Variants in PTGIS observed in about 807,000 individuals in gnomAD.
PTGIS encodes the protein prostaglandin I2 synthase, also known as prostacyclin synthase.
A neutral mutation model predicts 50.3 loss-of-function variants in PTGIS; 45 were observed. That is an observed-to-expected ratio of 0.90 (90% CI 0.70 to 1.15). The LOEUF is 1.15. PTGIS is among the 50% of genes most tolerant of loss of function. The probability of loss-of-function intolerance (pLI) is 0.00; values close to 1 mark genes in which losing one functional copy is unlikely to be tolerated. For missense variants in PTGIS, 668 were observed against 661.3 expected, an observed-to-expected ratio of 1.01 and a Z score of -0.11; for synonymous variants, 260 against 267.7, an observed-to-expected ratio of 0.97 and a Z score of 0.28.
At chr20:49,518,631 T>C (rs1158588067) in intron 6 of PTGIS, among the ~76,000 whole-genome samples, 2 of 150,442 alleles carry the variant, frequency 1.3e-5, no homozygotes, top group African/African-American at 4.9e-5. Context: ...AATCTAAAAT[T>C]ATTTCAAGAT....
At chr20:49,529,964 G>C (rs886757570) in intron 5 of PTGIS, among the ~76,000 whole-genome samples, 2 of 152,026 alleles carry the variant, frequency 1.3e-5, no homozygotes, top group Non-Finnish European at 2.9e-5. Flanking sequence ...AGTCCAGTAT[G>C]ACCAACACAG....
rs574490816 is a variant in PTGIS, at chr20:49,544,142, C to T, written c.521+163G>A. 7.9e-5 allele frequency among the ~76,000 whole-genome samples: 12 copies of T among 152,250 alleles called. No individual in the cohort carries two copies. The East Asian group carries it at 9.6e-4, about 12-fold the overall frequency. On this transcript the variant is annotated intron_variant, in intron 4 of 9. Transcript: ENST00000244043. ...TCATGAGCTAGGTCAGATGAACAGC[C>T]GGGGCCCTGGTGCATGGCGTCTTTC...
chr20:49,527,193 T>C (rs1981812918), intron 5 of PTGIS, among the ~76,000 whole-genome samples: 1 of 150,870 alleles, frequency 6.6e-6, no homozygotes. Context: ...CCTGCAATCC[T>C]AGCACCTTGG....
chr20:49,517,617 A>G (rs531545728), intron 6 of PTGIS, among the ~76,000 whole-genome samples: 5 of 152,282 alleles, frequency 3.3e-5, no homozygotes, highest in Non-Finnish European at 7.4e-5. Flanking sequence ...GCCATGACCC[A>G]AAAGCAGTGC....
At chr20:49,560,612 G>A (rs1394013480) in intron 1 of PTGIS, among the ~76,000 whole-genome samples, 2 of 152,346 alleles carry the variant, frequency 1.3e-5, no homozygotes, top group South Asian at 2.1e-4. Context: ...GTCAAGGAGG[G>A]CCTCCTCAGG....
intron 3 of PTGIS, among the ~76,000 whole-genome samples, chr20:49,545,267 A>T (rs1982328426): frequency 6.6e-6 from 1 of 152,054 alleles, no homozygotes. Flanking sequence ...TACACAAAGA[A>T]TCACTAGCCA....
rs745354136 is a variant in PTGIS, at chr20:49,539,717, C to T, written c.526G>A (p.Gly176Ser). 7.1e-5 allele frequency: 114 copies of T among 1,611,396 alleles called. 1 individual carries two copies. The highest frequency in any genetic ancestry group is 1.5e-4 in the South Asian group (14 of 90,852). ...DFSYSFLLRA[G>S]YLTLYGIEAL... The stretch of plus-strand genomic sequence containing the variant: ...TCAATTCCGTAAAGAGTCAGGTAGC[C>T]GGCTCTGGGGGCGGCAGACAGAGGG... Residue 176 changes from glycine (G) to serine (S), a missense_variant, in exon 5 of 10, where the codon GGC (glycine) becomes AGC (serine). Gly to Ser is a moderately conservative substitution (Grantham distance 56). Transcript: ENST00000244043.
intron 1 of PTGIS, among the ~76,000 whole-genome samples, chr20:49,558,960 G>A (rs1044470001): frequency 9.5e-4 from 144 of 152,180 alleles, no homozygotes; most frequent in Non-Finnish European, 1.6e-4. Flanking sequence ...TGATCCACCT[G>A]CCTCCGCTTC....
intron 1 of PTGIS, among the ~76,000 whole-genome samples, chr20:49,558,375 C>T (rs1001013624): frequency 1.3e-5 from 2 of 152,082 alleles, no homozygotes; most frequent in African/African-American, 4.8e-5. Context: ...AGCAAGAGAA[C>T]GAGACCCTGT....
chr20:49,565,484 G>A (rs511073), intron 1 of PTGIS, among the ~76,000 whole-genome samples: 129,457 of 152,092 alleles, frequency 0.85, 55,307 homozygotes, highest in African/African-American at 0.9. Context: ...TGGACAACAT[G>A]GCAAGATGCC....
chr20:49,508,888 C>T (rs1981234580), intron 9 of PTGIS, among the ~76,000 whole-genome samples: 2 of 152,220 alleles, frequency 1.3e-5, no homozygotes, highest in African/African-American at 2.4e-5. Context: ...CTCCCTGCCT[C>T]ATCTTACCAA....
chr20:49,529,587 C>A (rs921319723), intron 5 of PTGIS, among the ~76,000 whole-genome samples: 1 of 152,150 alleles, frequency 6.6e-6, no homozygotes. Flanking sequence ...AGTTTGAAAT[C>A]GCACACCATT....
intron 5 of PTGIS, among the ~76,000 whole-genome samples, chr20:49,536,477 T>TC (rs1982074829): frequency 1.5e-5 from 2 of 135,086 alleles, no homozygotes; most frequent in Non-Finnish European, 3.1e-5. Context: ...TTTCTTTCTT[T>TC]CTTTTTTTTT....
At chr20:49,520,886 C>T (rs1981637004) in intron 6 of PTGIS, among the ~76,000 whole-genome samples, 1 of 152,102 alleles carries the variant, frequency 6.6e-6, no homozygotes, top group South Asian at 2.1e-4. Context: ...GCTATGTTGC[C>T]CAGGCTGGTC....
intron 5 of PTGIS, among the ~76,000 whole-genome samples, chr20:49,536,483 T>C (rs1202315200): frequency 2.9e-5 from 4 of 139,676 alleles, no homozygotes; most frequent in South Asian, 2.4e-4. Flanking sequence ...TCTTTCTTTT[T>C]TTTTTTTTTT....
intron 6 of PTGIS, among the ~76,000 whole-genome samples, chr20:49,520,650 T>A (rs1981627797): frequency 1.3e-5 from 2 of 152,106 alleles, no homozygotes; most frequent in South Asian, 4.1e-4. Context: ...ACATTTTAGA[T>A]GCTTACTTGT....
At chr20:49,523,027 A>C (rs1374433867) in intron 6 of PTGIS, among the ~76,000 whole-genome samples, 2 of 152,190 alleles carry the variant, frequency 1.3e-5, no homozygotes, top group African/African-American at 4.8e-5. Flanking sequence ...CATCTCAAAA[A>C]AATAAAAAAA....
chr20:49,558,151 G>A (rs761518855), intron 1 of PTGIS, among the ~76,000 whole-genome samples: 1 of 152,196 alleles, frequency 6.6e-6, no homozygotes, highest in Non-Finnish European at 1.5e-5. Flanking sequence ...CACTCTGGGA[G>A]GCCAAAGTGG....
chr20:49,523,195 C>T (rs1304979114), intron 6 of PTGIS, among the ~76,000 whole-genome samples: 1 of 152,140 alleles, frequency 6.6e-6, no homozygotes, highest in Admixed American at 6.6e-5. Flanking sequence ...TATTTGGGCT[C>T]ATTATCCTGA....
Sources: allele counts gnomAD v4.1 joint callset (sites outside exome capture counted in the v4.1 genomes callset), GRCh38; gene constraint gnomAD v4.1.1; transcripts MANE v1.5; gene names NCBI Gene and HGNC (gene_info 2026-07-23, HGNC 2026-07-21).